CHN2: variants seen among roughly 807,000 people sequenced by gnomAD.
CHN2 encodes the protein chimerin 2, also known as beta-chimaerin.
CHN2 carries 35 observed loss-of-function variants against 56.3 expected under a neutral mutation model. That is an observed-to-expected ratio of 0.62 (90% CI 0.47 to 0.82). The LOEUF is 0.82. Among genes scored for constraint, CHN2 ranks in the 40% least tolerant of loss-of-function variants. The pLI is 0.00. For synonymous variants in CHN2, 210 were observed against 212.8 expected (o/e 0.99, Z 0.12); for missense variants, 491 against 580.5 (o/e 0.85, Z 1.58).
intron 2 of CHN2, among the ~76,000 whole-genome samples, chr7:29,168,036 G>T (rs1160754952): frequency 1.3e-5 from 2 of 152,224 alleles, no homozygotes; most frequent in African/African-American, 4.8e-5. Flanking sequence ...ACATTTGTGT[G>T]AGTGAGAAGT....
At chr7:29,504,638 T>C in intron 9 of CHN2, 106 bp from the exon 10 acceptor site, 1 of 710,720 alleles carries the variant, frequency 1.4e-6, no homozygotes, top group Non-Finnish European at 2.4e-6. Context: ...ACTGTCTATG[T>C]TTGCTCATTT....
chr7:29,273,386 T>TATATAC (rs1790907196), intron 1 of CHN2, among the ~76,000 whole-genome samples: 11 of 47,734 alleles, frequency 2.3e-4, no homozygotes, highest in African/African-American at 1.0e-3. Context: ...TATATATATA[T>TATATAC]ATACACACAC....
At chr7:29,474,555 T>C (rs1342613188) in intron 6 of CHN2, among the ~76,000 whole-genome samples, 3 of 152,192 alleles carry the variant, frequency 2.0e-5, no homozygotes, top group Admixed American at 2.0e-4. Flanking sequence ...ATTCGTAATA[T>C]TGATTTTCAT....
intron 3 of CHN2, among the ~76,000 whole-genome samples, chr7:29,379,349 C>G (rs946730230): frequency 6.6e-6 from 1 of 152,170 alleles, no homozygotes; most frequent in African/African-American, 2.4e-5. Context: ...TATTTGGTAG[C>G]AACATCTGAA....
intron 8 of CHN2, among the ~76,000 whole-genome samples, chr7:29,499,602 C>CAATTA (rs142187484): frequency 0.025 from 3,755 of 152,224 alleles, 139 homozygotes; most frequent in African/African-American, 0.086. Flanking sequence ...AAAACCTGAT[C>CAATTA]AATTACCTAA....
intron 1 of CHN2, among the ~76,000 whole-genome samples, chr7:29,306,219 G>C (rs1287138061): frequency 2.0e-5 from 3 of 152,160 alleles, no homozygotes; most frequent in African/African-American, 7.2e-5. Flanking sequence ...CCCTAAACTG[G>C]TGGTGTCTTA....
chr7:29,209,186 G>C (rs1194561705), intron 1 of CHN2, among the ~76,000 whole-genome samples: 1 of 152,102 alleles, frequency 6.6e-6, no homozygotes, highest in Admixed American at 6.5e-5. Flanking sequence ...TCCTGAAGGG[G>C]TGAGGAGGCC....
At chr7:29,297,693 G>A (rs1793295137) in intron 1 of CHN2, among the ~76,000 whole-genome samples, 1 of 151,960 alleles carries the variant, frequency 6.6e-6, no homozygotes, top group African/African-American at 2.4e-5. Context: ...CAGCATGTTG[G>A]GCTTCTGGGT....
chr7:29,388,212 A>G (rs1042222727), intron 3 of CHN2, among the ~76,000 whole-genome samples: 3 of 152,232 alleles, frequency 2.0e-5, no homozygotes, highest in Non-Finnish European at 4.4e-5. Flanking sequence ...TTACTCTGTG[A>G]CAGATATTGG....
intron 1 of CHN2, chr7:29,197,837 G>A (rs1783862532): frequency 2.2e-6 from 1 of 445,262 alleles, no homozygotes; most frequent in Non-Finnish European, 4.5e-6. Flanking sequence ...GTGCAGAGGA[G>A]AGGAATTGAC....
At chr7:29,159,039 A>G (rs1434558393) in intron 2 of CHN2, among the ~76,000 whole-genome samples, 1 of 152,212 alleles carries the variant, frequency 6.6e-6, no homozygotes, top group Non-Finnish European at 1.5e-5. Context: ...TATCAGAGAA[A>G]ATTAAAACCT....
At chr7:29,159,792 C>T (rs1434314960) in intron 2 of CHN2, among the ~76,000 whole-genome samples, 1 of 152,180 alleles carries the variant, frequency 6.6e-6, no homozygotes, top group Non-Finnish European at 1.5e-5. Context: ...GTAATTCACT[C>T]ATTCTTATGC....
intron 6 of CHN2, among the ~76,000 whole-genome samples, chr7:29,433,293 A>G (rs1193817505): frequency 6.6e-6 from 1 of 152,240 alleles, no homozygotes; most frequent in African/African-American, 2.4e-5. Context: ...GGGGTCAAGG[A>G]AAATCTTGTG....
At chr7:29,291,999 T>G (rs139981695) in intron 1 of CHN2, among the ~76,000 whole-genome samples, 2,341 of 152,334 alleles carry the variant, frequency 0.015, 63 homozygotes, top group African/African-American at 0.052. Flanking sequence ...TTTTGGCTGT[T>G]GCAAGCCCTA....
rs375120538 is a variant in CHN2, at chr7:29,482,797, C to CTTTTTTTTTTTTTTTTTTTTTTT, written c.654+2461_654+2483dup. On this transcript the variant is annotated intron_variant, in intron 7 of 12. Transcript: ENST00000222792. The stretch of plus-strand genomic sequence containing the variant: ...TGCTAGGTGCTGTCTGCACTTTTTT[C>CTTTTTTTTTTTTTTTTTTTTTTT]TTTTTTTTTTTTTTTTTTTTTTTTT... 3.1e-5 allele frequency among the ~76,000 whole-genome samples: 2 copies of CTTTTTTTTTTTTTTTTTTTTTTT among 64,214 alleles called. 1 individual carries two copies. The highest frequency in any genetic ancestry group is 5.8e-5 in the Non-Finnish European group (2 of 34,262). The allele number at this position is 64,214 out of a possible 152,430, so 42.1% of individuals were successfully genotyped here.
intron 9 of CHN2, among the ~76,000 whole-genome samples, chr7:29,502,986 G>A (rs896061831): frequency 4.6e-5 from 7 of 152,098 alleles, no homozygotes; most frequent in Non-Finnish European, 8.8e-5. Flanking sequence ...ACTTATGAGT[G>A]AGAACAAAAG....
chr7:29,509,543 G>A (rs1445140948), intron 12 of CHN2, 137 bp downstream of exon 12: 1 of 632,508 alleles, frequency 1.6e-6, no homozygotes, highest in Non-Finnish European at 2.8e-6. Flanking sequence ...CACTTTCAGT[G>A]TATCATCCCT....
intron 1 of CHN2, among the ~76,000 whole-genome samples, chr7:29,287,139 A>T (rs1312522582): frequency 6.6e-6 from 1 of 152,122 alleles, no homozygotes. Context: ...AGAACCTTAT[A>T]TTCTCCCTTG....
At chr7:29,185,321 ACATG>A (rs1798576403) in intron 2 of CHN2, among the ~76,000 whole-genome samples, 1 of 152,234 alleles carries the variant, frequency 6.6e-6, no homozygotes, top group Admixed American at 6.5e-5. Context: ...AAAGATCATA[ACATG>A]GACCAAAATT....
Sources: allele counts gnomAD v4.1 joint callset (sites outside exome capture counted in the v4.1 genomes callset), GRCh38; gene constraint gnomAD v4.1.1; transcripts MANE v1.5; gene names NCBI Gene and HGNC (gene_info 2026-07-23, HGNC 2026-07-21).